Variants in WASF3 observed in about 807,000 individuals in gnomAD.
WASF3 encodes the protein WASP family member 3.
A neutral mutation model predicts 46.6 loss-of-function variants in WASF3; 11 were observed. The ratio of observed to expected loss-of-function variants is 0.24; its 90% confidence interval spans 0.15 to 0.39. The LOEUF (loss-of-function observed/expected upper bound fraction) is 0.39, where lower values mean the gene tolerates loss of function less well. Ranked by LOEUF, WASF3 falls within the 10% of genes least tolerant of loss-of-function variation. The pLI, the probability that WASF3 is intolerant of heterozygous loss-of-function variation, is 1.00. For missense variants in WASF3, 576 were observed against 669.8 expected, an observed-to-expected ratio of 0.86 and a Z score of 1.55; for synonymous variants, 242 against 259.7, an observed-to-expected ratio of 0.93 and a Z score of 0.65.
chr13:26,600,631 A>G (rs1032054728), intron 1 of WASF3, among the ~76,000 whole-genome samples: 11 of 152,326 alleles, frequency 7.2e-5, no homozygotes, highest in East Asian at 1.9e-4. Flanking sequence ...ATGTTTCACA[A>G]TGCTCATGGG....
At chr13:26,634,950 T>C (rs1201699709) in intron 2 of WASF3, among the ~76,000 whole-genome samples, 1 of 152,228 alleles carries the variant, frequency 6.6e-6, no homozygotes, top group African/African-American at 2.4e-5. Context: ...TTGGTGAATC[T>C]GACAATTATG....
intron 2 of WASF3, among the ~76,000 whole-genome samples, chr13:26,626,502 A>G (rs1264295018): frequency 6.6e-6 from 1 of 152,216 alleles, no homozygotes; most frequent in East Asian, 1.9e-4. Flanking sequence ...CAAGCAAAGA[A>G]TCTTTGTCAG....
intron 1 of WASF3, among the ~76,000 whole-genome samples, chr13:26,584,049 T>A (rs968781488): frequency 1.3e-5 from 2 of 152,164 alleles, no homozygotes; most frequent in Non-Finnish European, 2.9e-5. Context: ...CTCCCCCACC[T>A]CCCTGGAGGG....
At chr13:26,659,507 G>C (rs971093975) in intron 3 of WASF3, among the ~76,000 whole-genome samples, 3 of 152,170 alleles carry the variant, frequency 2.0e-5, no homozygotes, top group Admixed American at 6.5e-5. Context: ...AGGAGTAACA[G>C]GATCTGAGAC....
intron 2 of WASF3, among the ~76,000 whole-genome samples, chr13:26,625,784 A>G (rs1227215741): frequency 6.6e-6 from 1 of 152,206 alleles, no homozygotes; most frequent in Non-Finnish European, 1.5e-5. Context: ...ACATTATTCT[A>G]AAGTTACAGT....
chr13:26,543,109 A>G, the WASF3 span, among the ~76,000 whole-genome samples: 1 of 152,106 alleles, frequency 6.6e-6, no homozygotes, highest in Non-Finnish European at 1.5e-5. Flanking sequence ...TCTTTAAGGC[A>G]TTTCTGAGCA....
intron 3 of WASF3, among the ~76,000 whole-genome samples, chr13:26,652,878 G>A (rs1431715603): frequency 6.2e-5 from 9 of 145,224 alleles, no homozygotes; most frequent in Non-Finnish European, 1.0e-4. Context: ...TAGAAAAGAA[G>A]AAAGGTTTAA....
intron 2 of WASF3, chr13:26,619,159 A>G (rs1881228900): frequency 6.6e-6 from 1 of 152,218 alleles, no homozygotes; most frequent in Non-Finnish European, 1.5e-5. Context: ...AGGATTTCCT[A>G]TGAATGAGCT....
chr13:26,592,704 G>T (rs1024892239), intron 1 of WASF3, among the ~76,000 whole-genome samples: 2 of 152,052 alleles, frequency 1.3e-5, no homozygotes, highest in Non-Finnish European at 2.9e-5. Flanking sequence ...TGATTTTGGT[G>T]GATTATATAC....
intron 6 of WASF3, among the ~76,000 whole-genome samples, chr13:26,672,577 G>A (rs1261003448): frequency 6.6e-6 from 1 of 152,160 alleles, no homozygotes; most frequent in East Asian, 1.9e-4. Flanking sequence ...CAGGTTAAGG[G>A]ATTTGTGTTT....
intron 6 of WASF3, among the ~76,000 whole-genome samples, chr13:26,674,497 G>A (rs924892707): frequency 3.3e-5 from 5 of 152,020 alleles, no homozygotes; most frequent in South Asian, 4.1e-4. Flanking sequence ...ACCTAGCCAC[G>A]GTTAACAGCT....
At chr13:26,627,776 A>T (rs983997563) in intron 2 of WASF3, among the ~76,000 whole-genome samples, 7 of 152,040 alleles carry the variant, frequency 4.6e-5, no homozygotes, top group African/African-American at 1.7e-4. Context: ...AAATAGATAT[A>T]CCTAATGCTA....
intron 2 of WASF3, among the ~76,000 whole-genome samples, chr13:26,621,026 C>T (rs1881288956): frequency 6.6e-6 from 1 of 152,174 alleles, no homozygotes; most frequent in African/African-American, 2.4e-5. Context: ...GTGAGAGCTT[C>T]ACTCTTCCAT....
chr13:26,573,360 AG>A (rs1360891637), intron 1 of WASF3, among the ~76,000 whole-genome samples: 1 of 151,666 alleles, frequency 6.6e-6, no homozygotes, highest in East Asian at 1.9e-4. Context: ...GCTTTATTTC[AG>A]TTTTTTTTGA....
rs188195511 is a variant in WASF3 at position 26,685,965 on chromosome 13, T to C, written c.*120T>C. ...CACCTTTTGTATAAACAATGTGATA[T>C]TGCTTCTGCACATCCAAAAATTCTG... On this transcript the variant is annotated 3_prime_UTR_variant, in exon 10 of 10. Coordinates refer to ENST00000335327, the MANE Select transcript of WASF3 (RefSeq NM_006646.6). The C allele has an allele frequency of 1.6e-5, 22 of 1,363,214 alleles. No individual in the cohort carries two copies. In the Middle Eastern group the frequency reaches 6.7e-4, roughly 42 times the overall value. 84.4% of individuals were successfully genotyped at this position (1,363,214 alleles called of 1,614,324 possible). A position where few individuals can be genotyped will look rare whatever the true frequency, so the allele number is the denominator to read the frequency against.
intron 6 of WASF3, among the ~76,000 whole-genome samples, chr13:26,674,264 A>G (rs148013321): frequency 2.0e-5 from 3 of 152,320 alleles, no homozygotes; most frequent in East Asian, 1.9e-4. Context: ...TGCATCTTTT[A>G]AAAAGTAAGG....
chr13:26,642,435 A>T, intron 3 of WASF3, 32 bp downstream of exon 3: 1 of 1,555,566 alleles, frequency 6.4e-7, no homozygotes, highest in Non-Finnish European at 8.7e-7. Flanking sequence ...TACCAATGAC[A>T]TTAACTTTTT....
chr13:26,593,926 C>G (rs888376334), intron 1 of WASF3, among the ~76,000 whole-genome samples: 5 of 152,150 alleles, frequency 3.3e-5, no homozygotes, highest in Non-Finnish European at 5.9e-5. Flanking sequence ...TTAGTTGCTT[C>G]TGTGTTTTAT....
intron 1 of WASF3, among the ~76,000 whole-genome samples, chr13:26,599,291 T>C (rs971320039): frequency 6.6e-6 from 1 of 151,008 alleles, no homozygotes; most frequent in Non-Finnish European, 1.5e-5. Context: ...CAAGCAGTTC[T>C]CCTGCCTCAG....
Sources: gnomAD v4.1 joint callset for allele counts (sites outside exome capture counted in the v4.1 genomes callset) on GRCh38, gnomAD v4.1.1 for gene constraint, MANE v1.5 for transcripts, NCBI Gene and HGNC (gene_info 2026-07-23, HGNC 2026-07-21) for gene names.